MEMO1: variants seen among roughly 807,000 people sequenced by gnomAD.
The protein encoded by MEMO1 is protein MEMO1.
Under a neutral mutation model 45.2 loss-of-function variants are expected in MEMO1, and 6 were observed. That is an observed-to-expected ratio of 0.13 (90% CI 0.07 to 0.26). The LOEUF (loss-of-function observed/expected upper bound fraction) is 0.26, where lower values mean the gene tolerates loss of function less well. Ranked by LOEUF, MEMO1 falls within the 10% of genes least tolerant of loss-of-function variation. The pLI, the probability that MEMO1 is intolerant of heterozygous loss-of-function variation, is 1.00. For synonymous variants in MEMO1, 78 were observed against 124.3 expected (o/e 0.63, Z 2.48); for missense variants, 184 against 370.5 (o/e 0.50, Z 4.13).
At chr2:31,915,167 A>G (rs192830098) in intron 6 of MEMO1, among the ~76,000 whole-genome samples, 10 of 152,050 alleles carry the variant, frequency 6.6e-5, no homozygotes, top group African/African-American at 2.4e-4. Context: ...GAGAAACCAC[A>G]CTCAAGGAGC....
intron 2 of MEMO1, among the ~76,000 whole-genome samples, chr2:31,990,835 GA>G (rs1266633998): frequency 6.6e-6 from 1 of 152,062 alleles, no homozygotes; most frequent in Non-Finnish European, 1.5e-5. Flanking sequence ...GAGATTCTGA[GA>G]CTGACAAGAG....
At chr2:31,923,760 G>A in intron 4 of MEMO1, 1 of 1,521,062 alleles carries the variant, frequency 6.6e-7, no homozygotes, top group Non-Finnish European at 8.8e-7. Context: ...AAAATATGAA[G>A]TGATTTTTAA....
intron 3 of MEMO1, among the ~76,000 whole-genome samples, chr2:31,939,968 G>A (rs1000786322): frequency 6.6e-6 from 1 of 152,062 alleles, no homozygotes; most frequent in Non-Finnish European, 1.5e-5. Flanking sequence ...GGTCACCAGT[G>A]ATTTCCACAT....
At chr2:32,007,241 G>T (rs1674211929) in intron 2 of MEMO1, among the ~76,000 whole-genome samples, 1 of 152,032 alleles carries the variant, frequency 6.6e-6, no homozygotes, top group Non-Finnish European at 1.5e-5. Context: ...TATCTGTGTG[G>T]GGTTTCCCAA....
chr2:31,973,393 G>A (rs1669632780), intron 2 of MEMO1, among the ~76,000 whole-genome samples: 1 of 152,082 alleles, frequency 6.6e-6, no homozygotes, highest in African/African-American at 2.4e-5. Flanking sequence ...GACGGAGGTT[G>A]CAGTGAGCCA....
intron 3 of MEMO1, among the ~76,000 whole-genome samples, chr2:31,938,780 A>T (rs1665243512): frequency 6.8e-6 from 1 of 147,580 alleles, no homozygotes; most frequent in Non-Finnish European, 1.5e-5. Flanking sequence ...CATGCCATAG[A>T]ACAATATTTT....
At chr2:31,877,047 C>G (rs996246001) in intron 8 of MEMO1, among the ~76,000 whole-genome samples, 5 of 152,166 alleles carry the variant, frequency 3.3e-5, no homozygotes, top group Non-Finnish European at 7.4e-5. Context: ...ATGTAAGATC[C>G]TTCAAGATAG....
intron 2 of MEMO1, among the ~76,000 whole-genome samples, chr2:31,955,144 G>C (rs1272013195): frequency 6.6e-6 from 1 of 151,950 alleles, no homozygotes; most frequent in Non-Finnish European, 1.5e-5. Context: ...GGCTGAGGCA[G>C]GAAGATCGCT....
At chr2:31,996,161 G>A (rs1182985508) in intron 2 of MEMO1, among the ~76,000 whole-genome samples, 1 of 151,740 alleles carries the variant, frequency 6.6e-6, no homozygotes, top group African/African-American at 2.4e-5. Flanking sequence ...TTCGGAGGGA[G>A]GAAGGGAGAG....
intron 4 of MEMO1, chr2:31,923,491 A>T: frequency 1.1e-6 from 1 of 872,614 alleles, no homozygotes; most frequent in Non-Finnish European, 1.6e-6. Context: ...AATGAAGAAA[A>T]ACTAAAAGAT....
intron 6 of MEMO1, among the ~76,000 whole-genome samples, chr2:31,901,004 A>T (rs1261496218): frequency 6.6e-6 from 1 of 152,230 alleles, no homozygotes; most frequent in Non-Finnish European, 1.5e-5. Context: ...AAAAACTGGA[A>T]ATGTTCAATA....
intron 6 of MEMO1, among the ~76,000 whole-genome samples, chr2:31,903,122 C>G (rs988454373): frequency 6.6e-6 from 1 of 151,826 alleles, no homozygotes; most frequent in Non-Finnish European, 1.5e-5. Flanking sequence ...TATACAAATA[C>G]TTATTTGCTT....
intron 8 of MEMO1, among the ~76,000 whole-genome samples, chr2:31,878,620 G>A (rs4952203): frequency 0.2 from 29,660 of 152,050 alleles, 3,583 homozygotes; most frequent in East Asian, 0.44. Context: ...TACGGTGTTT[G>A]AGCACGTGCT....
chr2:31,910,146 T>C (rs1680338315), intron 6 of MEMO1, among the ~76,000 whole-genome samples: 1 of 152,104 alleles, frequency 6.6e-6, no homozygotes, highest in South Asian at 2.1e-4. Context: ...TTTAGAATTC[T>C]ATATCCAGGA....
chr2:31,925,492 A>AAAAAAAAAAAAAG (rs1558507956), intron 4 of MEMO1, among the ~76,000 whole-genome samples: 65 of 133,910 alleles, frequency 4.9e-4, no homozygotes, highest in African/African-American at 1.6e-3. Context: ...AAAAAAAAAA[A>AAAAAAAAAAAAAG]AAAAAAATCT....
intron 7 of MEMO1, among the ~76,000 whole-genome samples, chr2:31,885,507 AT>A (rs1378605734): frequency 6.6e-6 from 1 of 152,230 alleles, no homozygotes; most frequent in African/African-American, 2.4e-5. Flanking sequence ...TATCGATTCA[AT>A]TCATTTGATA....
intron 2 of MEMO1, among the ~76,000 whole-genome samples, chr2:31,956,328 T>A (rs1267316440): frequency 6.6e-6 from 1 of 151,082 alleles, no homozygotes; most frequent in East Asian, 1.9e-4. Flanking sequence ...GCACTTCTTA[T>A]GCAATTTCTT....
At chr2:31,936,414 A>T (rs1664925832) in intron 3 of MEMO1, among the ~76,000 whole-genome samples, 1 of 152,104 alleles carries the variant, frequency 6.6e-6, no homozygotes, top group African/African-American at 2.4e-5. Flanking sequence ...TCAAGCTAAA[A>T]CCTTGCCTCT....
chr2:31,999,760 T>TA lies in MEMO1; in HGVS notation c.61+10426_61+10427insT, dbSNP rs1329153109. Among the ~76,000 whole-genome samples the TA allele has an allele frequency of 2.0e-5, 3 of 152,162 alleles. No individual in the cohort carries two copies. The East Asian group carries it at 5.8e-4, about 29-fold the overall frequency. On this transcript the variant is annotated intron_variant, in intron 2 of 9. Coordinates refer to ENST00000404530, the MANE Select transcript of MEMO1 (RefSeq NM_001301833.4). The stretch of plus-strand genomic sequence containing the variant: ...TGCAATGACCTTGCTTACTGGGTGT[T>TA]CCTCAAATATTCCAGGCCTGCTCTA...
Sources: gnomAD v4.1 joint callset for allele counts (sites outside exome capture counted in the v4.1 genomes callset) on GRCh38, gnomAD v4.1.1 for gene constraint, MANE v1.5 for transcripts, NCBI Gene and HGNC (gene_info 2026-07-23, HGNC 2026-07-21) for gene names.